Variants in SETBP1 observed in about 807,000 individuals in gnomAD.
SETBP1 encodes SET-binding protein.
In SETBP1, 9 loss-of-function variants were observed where a neutral mutation model predicts 101.0. The ratio of observed to expected loss-of-function variants is 0.09; its 90% CI spans 0.05 to 0.16. SETBP1 has a LOEUF of 0.16. Among genes scored for constraint, SETBP1 ranks in the 10% least tolerant of loss-of-function variants. SETBP1 has a pLI of 1.00. For synonymous variants in SETBP1, 818 were observed against 788.5 expected (o/e 1.04, Z -0.63); for missense variants, 1,858 against 2,033.8 (o/e 0.91, Z 1.66).
chr18:44,767,269 C>T (rs1181545583), intron 2 of SETBP1, among the ~76,000 whole-genome samples: 2 of 152,186 alleles, frequency 1.3e-5, no homozygotes, highest in African/African-American at 4.8e-5. Flanking sequence ...TATTCCTTTC[C>T]CTTCTTACTA....
At position 44,701,282 on chromosome 18, in the gene SETBP1, C is replaced by T. The variant is rs975035137; in HGVS notation, c.-65C>T. ...TGGAATTTTGGGTGTCCTCTTTTCT[C>T]ACCTTTCCCTTTTCCCTTTTCCCCT... On this transcript the variant is annotated 5_prime_UTR_variant, in exon 2 of 6. Transcript: ENST00000649279. 2.4e-5 allele frequency: 35 copies of T among 1,448,792 alleles called. No individual in the cohort carries two copies. The highest frequency in any genetic ancestry group is 2.9e-5 in the Non-Finnish European group (32 of 1,098,640). 89.7% of individuals were successfully genotyped at this position (1,448,792 alleles called of 1,614,324 possible). A position where few individuals can be genotyped will look rare whatever the true frequency, so the allele number is the denominator to read the frequency against.
intron 4 of SETBP1, among the ~76,000 whole-genome samples, chr18:45,004,466 G>A (rs953258787): frequency 2.0e-5 from 3 of 152,170 alleles, no homozygotes; most frequent in African/African-American, 4.8e-5. Context: ...GTAACCAGCT[G>A]CCTGTTACAG....
intron 2 of SETBP1, among the ~76,000 whole-genome samples, chr18:44,733,921 G>A (rs1361696646): frequency 1.3e-5 from 2 of 152,176 alleles, no homozygotes; most frequent in Non-Finnish European, 2.9e-5. Flanking sequence ...ATCCACAGAT[G>A]TGTGGCTGAG....
chr18:44,867,359 C>T (rs1475406231), intron 2 of SETBP1, among the ~76,000 whole-genome samples: 2 of 152,170 alleles, frequency 1.3e-5, no homozygotes, highest in African/African-American at 2.4e-5. Flanking sequence ...CACCTGCTCC[C>T]ACCTGAAGTG....
At chr18:44,749,089 C>A (rs1480746976) in intron 2 of SETBP1, among the ~76,000 whole-genome samples, 1 of 152,160 alleles carries the variant, frequency 6.6e-6, no homozygotes, top group Non-Finnish European at 1.5e-5. Context: ...CTACAAAGAG[C>A]AGCAACTTAG....
At chr18:44,735,131 A>T (rs912696571) in intron 2 of SETBP1, among the ~76,000 whole-genome samples, 1 of 152,210 alleles carries the variant, frequency 6.6e-6, no homozygotes, top group Non-Finnish European at 1.5e-5. Context: ...CCCAAGAAAG[A>T]GTGTTGGTAT....
At chr18:44,764,142 G>A (rs1463283692) in intron 2 of SETBP1, among the ~76,000 whole-genome samples, 2 of 152,166 alleles carry the variant, frequency 1.3e-5, no homozygotes, top group African/African-American at 4.8e-5. Flanking sequence ...TGAACTCTTG[G>A]CAATGGCCTG....
chr18:44,746,576 T>C (rs1158069508), intron 2 of SETBP1, among the ~76,000 whole-genome samples: 4 of 152,116 alleles, frequency 2.6e-5, no homozygotes, highest in African/African-American at 9.7e-5. Flanking sequence ...GGCGTCTGAG[T>C]TGGAATATCT....
intron 3 of SETBP1, among the ~76,000 whole-genome samples, chr18:44,924,311 C>T (rs2070649176): frequency 1.3e-5 from 2 of 152,316 alleles, no homozygotes; most frequent in South Asian, 4.1e-4. Context: ...ATGTCATCCA[C>T]AGCCTAGGGC....
intron 4 of SETBP1, among the ~76,000 whole-genome samples, chr18:44,968,880 A>T (rs1656194666): frequency 6.6e-6 from 1 of 152,226 alleles, no homozygotes; most frequent in African/African-American, 2.4e-5. Flanking sequence ...CATGTGTAAA[A>T]TCAAAACATT....
At position 44,958,100 on chromosome 18, in the gene SETBP1, G is replaced by T. The variant is rs78033322; in HGVS notation, c.4000+4760G>T. On this transcript the variant is annotated intron_variant, in intron 4 of 5. Transcript: ENST00000649279. ...TCCAAAATGGGACTATGACCATAAA[G>T]GTTCTGACCAGACCTAATAGTTGAA... 2.0e-3 allele frequency among the ~76,000 whole-genome samples: 312 copies of T among 152,250 alleles called. 1 individual carries two copies. Among genetic ancestry groups the T allele is most frequent in the African/African-American group, 7.1e-3 (294 of 41,536 alleles).
chr18:44,839,100 A>C (rs1402118273), intron 2 of SETBP1, among the ~76,000 whole-genome samples: 2 of 151,696 alleles, frequency 1.3e-5, no homozygotes, highest in African/African-American at 4.8e-5. Context: ...CAGCCTTCTC[A>C]TTGCTTCTTT....
intron 4 of SETBP1, among the ~76,000 whole-genome samples, chr18:44,974,615 G>A (rs2071945080): frequency 2.0e-5 from 3 of 152,264 alleles, no homozygotes; most frequent in African/African-American, 2.4e-5. Context: ...GCACAGGTGG[G>A]TGACTAGATT....
intron 2 of SETBP1, among the ~76,000 whole-genome samples, chr18:44,786,158 A>G (rs1256063604): frequency 6.6e-6 from 1 of 152,172 alleles, no homozygotes; most frequent in Admixed American, 6.5e-5. Flanking sequence ...CTTCCTGTCT[A>G]TGACAGAGAA....
At chr18:44,741,334 C>T (rs1031483840) in intron 2 of SETBP1, among the ~76,000 whole-genome samples, 4 of 152,104 alleles carry the variant, frequency 2.6e-5, no homozygotes, top group African/African-American at 7.2e-5. Context: ...AGGAACTGTC[C>T]TAAGATTGCC....
intron 4 of SETBP1, among the ~76,000 whole-genome samples, chr18:44,999,982 G>A (rs1275694594): frequency 6.6e-6 from 1 of 152,172 alleles, no homozygotes; most frequent in Admixed American, 6.5e-5. Flanking sequence ...TGTCTTTCTT[G>A]TTTTAACCAC....
At chr18:44,814,497 T>A (rs1004536522) in intron 2 of SETBP1, among the ~76,000 whole-genome samples, 2 of 152,224 alleles carry the variant, frequency 1.3e-5, no homozygotes, top group African/African-American at 2.4e-5. Flanking sequence ...GCAGACATAC[T>A]GTCTGTTAGT....
chr18:44,921,818 G>A (rs979527533), intron 3 of SETBP1, among the ~76,000 whole-genome samples: 1 of 152,154 alleles, frequency 6.6e-6, no homozygotes, highest in Non-Finnish European at 1.5e-5. Flanking sequence ...GCTTTATGAA[G>A]GAGGGGGCAT....
At chr18:44,775,707 ATT>A (rs74569090) in intron 2 of SETBP1, among the ~76,000 whole-genome samples, 270 of 133,418 alleles carry the variant, frequency 2.0e-3, no homozygotes, top group Middle Eastern at 8.3e-3. Flanking sequence ...AGAGAGCACC[ATT>A]TTTTTTTTTT....
Sources: allele counts gnomAD v4.1 joint callset (sites outside exome capture counted in the v4.1 genomes callset), GRCh38; gene constraint gnomAD v4.1.1; transcripts MANE v1.5; gene names NCBI Gene and HGNC (gene_info 2026-07-23, HGNC 2026-07-21).